CLEC9A: variants seen among roughly 807,000 people sequenced by gnomAD.
CLEC9A encodes C-type lectin domain containing 9A.
A neutral mutation model predicts 30.0 loss-of-function variants in CLEC9A; 24 were observed. The ratio of observed to expected loss-of-function variants is 0.80; its 90% CI spans 0.58 to 1.13. The LOEUF is 1.13. Among genes scored for constraint, CLEC9A ranks in the 50% most tolerant of loss-of-function variants. The pLI, the probability that CLEC9A is intolerant of heterozygous loss-of-function variation, is 0.00. For synonymous variants in CLEC9A, 111 were observed against 96.8 expected (o/e 1.15, Z -0.86); for missense variants, 251 against 280.9 (o/e 0.89, Z 0.76).
At chr12:10,042,658 A>G (rs1427891363) in intron 2 of CLEC9A, among the ~76,000 whole-genome samples, 2 of 152,228 alleles carry the variant, frequency 1.3e-5, no homozygotes, top group African/African-American at 4.8e-5. Context: ...TATAGTAGGT[A>G]GTGATTATTG....
intron 6 of CLEC9A, among the ~76,000 whole-genome samples, chr12:10,062,234 ACATCTGGCC>A (rs1866004629): frequency 6.6e-6 from 1 of 152,218 alleles, no homozygotes; most frequent in Non-Finnish European, 1.5e-5. Context: ...AAACAACTTA[ACATCTGGCC>A]CATGGAAGCT....
In CLEC9A at chr12:10,065,506, A is replaced by C; in HGVS notation, c.600A>C (p.Pro200=). Residue 200 remains proline (P), a synonymous_variant, in exon 9 of 9, where the codon CCA becomes CCC. Coordinates refer to ENST00000355819, the MANE Select transcript of CLEC9A (RefSeq NM_207345.4). ...TGTTGACTTGCTTTTCCAGGTTGCCAGCAGAGAGATCCCAGTCAGCTAACC... is the reference window on the plus strand; with the variant it reads ...TGTTGACTTGCTTTTCCAGGTTGCCCGCAGAGAGATCCCAGTCAGCTAACC... ...DGSSPSPGLL[P]AERSQSANQV... The C allele has an allele frequency of 5.0e-6, 8 of 1,613,742 alleles. No individual in the cohort carries two copies. Among genetic ancestry groups the C allele is most frequent in the Non-Finnish European group, 6.8e-6 (8 of 1,179,768 alleles).
chr12:10,031,078 G>A (rs1865691684), intron 1 of CLEC9A, 106 bp downstream of exon 1: 1 of 152,210 alleles, frequency 6.6e-6, no homozygotes, highest in Non-Finnish European at 1.5e-5. Flanking sequence ...AAAGGAGAAA[G>A]GGGAAAGGGC....
intron 7 of CLEC9A, among the ~76,000 whole-genome samples, chr12:10,064,370 T>C (rs1399806173): frequency 1.3e-5 from 2 of 152,234 alleles, no homozygotes; most frequent in African/African-American, 4.8e-5. Context: ...CATCGACGTA[T>C]ACTGAGAAAG....
chr12:10,046,460 C>T (rs1183244634), intron 2 of CLEC9A, among the ~76,000 whole-genome samples: 5 of 152,180 alleles, frequency 3.3e-5, no homozygotes, highest in Admixed American at 2.0e-4. Flanking sequence ...CAACAAGGCC[C>T]AGAGGCTACT....
At chr12:10,064,665 C>T in intron 7 of CLEC9A, 67 bp from the exon 8 acceptor site, 1 of 1,515,730 alleles carries the variant, frequency 6.6e-7, no homozygotes, top group South Asian at 1.3e-5. Context: ...AAATGTCACA[C>T]TTTATATTTC....
intron 2 of CLEC9A, among the ~76,000 whole-genome samples, chr12:10,050,001 T>G (rs933918372): frequency 6.6e-6 from 1 of 152,234 alleles, no homozygotes; most frequent in Non-Finnish European, 1.5e-5. Context: ...ACTCTTTCCC[T>G]CAACTCTTAC....
At chr12:10,060,203 C>T (rs552041547) in intron 5 of CLEC9A, among the ~76,000 whole-genome samples, 2 of 152,270 alleles carry the variant, frequency 1.3e-5, no homozygotes, top group African/African-American at 2.4e-5. Flanking sequence ...CACTCTTGAG[C>T]GTATACCTCA....
At chr12:10,060,214 T>C (rs1482937619) in intron 5 of CLEC9A, among the ~76,000 whole-genome samples, 3 of 152,180 alleles carry the variant, frequency 2.0e-5, no homozygotes, top group Non-Finnish European at 4.4e-5. Context: ...GTATACCTCA[T>C]AGAAATGAAA....
Position 10,063,208 on chromosome 12 carries a change from T to C in CLEC9A, c.471+2T>C, listed in dbSNP as rs900149480. 3 of 1,589,816 alleles carry C rather than the reference T, an allele frequency of 1.9e-6. No homozygotes were observed. The highest frequency in any genetic ancestry group is 2.6e-6 in the Non-Finnish European group (3 of 1,171,664). On this transcript the variant is annotated splice_donor_variant, in intron 7 of 8. Transcript: ENST00000355819. LOFTEE classifies it high-confidence loss of function. ...CAAATAGAGAGCAAAGAAGAAATGG[T>C]AAACACTGTTTTGTGGTCTCATGTT... is the stretch of plus-strand genomic sequence containing the variant.
At chr12:10,032,650 C>G (rs1865709896) in intron 1 of CLEC9A, among the ~76,000 whole-genome samples, 1 of 152,080 alleles carries the variant, frequency 6.6e-6, no homozygotes, top group Non-Finnish European at 1.5e-5. Flanking sequence ...TTCGGCCTCC[C>G]AACGAGCTGG....
intron 2 of CLEC9A, among the ~76,000 whole-genome samples, chr12:10,047,924 G>A (rs948694960): frequency 2.6e-5 from 4 of 151,962 alleles, no homozygotes; most frequent in Admixed American, 1.3e-4. Flanking sequence ...ATGCAGATGC[G>A]GCTATTTTTA....
At chr12:10,056,175 GAAACCTAT>G (rs1340839946) in intron 5 of CLEC9A, among the ~76,000 whole-genome samples, 1 of 146,962 alleles carries the variant, frequency 6.8e-6, no homozygotes, top group Non-Finnish European at 1.5e-5. Context: ...AATCTTATAT[GAAACCTAT>G]AAATCATGTT....
chr12:10,052,223 G>C (rs1323763981), intron 3 of CLEC9A, 129 bp downstream of exon 3: 2 of 155,522 alleles, frequency 1.3e-5, no homozygotes, highest in Admixed American at 1.2e-4. Flanking sequence ...TCCTAGCTTT[G>C]TTGTTTAAGG....
In CLEC9A at chr12:10,052,281, G is replaced by A. The variant is rs147563432; in HGVS notation, c.-59+187G>A. The A allele has an allele frequency of 6.2e-3, 1,009 of 162,914 alleles. 6 individuals are homozygous for A. Among genetic ancestry groups the A allele is most frequent in the African/African-American group, 0.022 (910 of 41,746 alleles). The allele number at this position is 162,914 out of a possible 1,614,324, so 10.1% of individuals were successfully genotyped here. A position where few individuals can be genotyped will look rare whatever the true frequency, so the allele number is the denominator to read the frequency against. ...TTACACCGTGGTTTGCCCAATGTGA[G>A]TTATCTTTATATCTTCACTATCTAG... On this transcript the variant is annotated intron_variant, in intron 3 of 8. Coordinates refer to ENST00000355819, the MANE Select transcript of CLEC9A (RefSeq NM_207345.4).
chr12:10,041,783 A>G (rs1163628593), intron 2 of CLEC9A, among the ~76,000 whole-genome samples, 163 bp downstream of exon 2: 2 of 152,250 alleles, frequency 1.3e-5, no homozygotes, highest in Admixed American at 1.3e-4. Context: ...CAAATATTCA[A>G]TCCAGTCATA....
In CLEC9A at chr12:10,061,146, T is replaced by A; in HGVS notation, c.192T>A (p.Ile64=). 6.2e-7 allele frequency: 1 copy of A among 1,610,830 alleles called. No homozygotes were observed. The highest frequency in any genetic ancestry group is 1.7e-5 in the Admixed American group (1 of 59,194). The change falls in exon 6 of 9, where the codon ATT becomes ATA. Residue 64 remains isoleucine, a synonymous_variant. Coordinates refer to ENST00000355819, the MANE Select transcript of CLEC9A (RefSeq NM_207345.4). ...GTGAAGTGTTGCAGGTGTCCACCAT[T>A]GCGATGCAGCAGCAAGAAAAACTCA... The part of the protein sequence containing the change: ...LGVKLLQVST[I]AMQQQEKLIQ...
chr12:10,052,696 G>A lies in CLEC9A; in HGVS notation c.9G>A (p.Glu3=), dbSNP rs371881201. 42 of 1,613,580 alleles carry A rather than the reference G, an allele frequency of 2.6e-5. No homozygotes were observed. Among genetic ancestry groups the A allele is most frequent in the Non-Finnish European group, 3.1e-5 (37 of 1,179,724 alleles). ...ATCAAAGCACCTTAGACATGCACGA[G>A]GAAGAAATATACACCTCTCTTCAGT... is the stretch of plus-strand genomic sequence containing the variant. MH[E]EEIYTSLQWD... The change falls in exon 4 of 9, where the codon GAG becomes GAA. Residue 3 remains glutamate, a synonymous_variant. Transcript: ENST00000355819.
At chr12:10,038,692 A>G (rs887773783) in intron 1 of CLEC9A, among the ~76,000 whole-genome samples, 2 of 152,232 alleles carry the variant, frequency 1.3e-5, no homozygotes, top group Non-Finnish European at 2.9e-5. Context: ...CCTACAATAA[A>G]CACATCAGCT....
Sources: gnomAD v4.1 joint callset for allele counts (sites outside exome capture counted in the v4.1 genomes callset) on GRCh38, gnomAD v4.1.1 for gene constraint, MANE v1.5 for transcripts, NCBI Gene and HGNC (gene_info 2026-07-23, HGNC 2026-07-21) for gene names.